TUBGCP4: variants seen among roughly 807,000 people sequenced by gnomAD.
TUBGCP4 encodes the protein gamma-tubulin complex component 4.
TUBGCP4 carries 54 observed loss-of-function variants against 91.6 expected under a neutral mutation model. That is an observed-to-expected ratio of 0.59 (90% CI 0.47 to 0.74). The LOEUF is 0.74. TUBGCP4 is among the 30% of genes least tolerant of loss of function. The probability of loss-of-function intolerance (pLI) is 0.00; values close to 1 mark genes in which losing one functional copy is unlikely to be tolerated. For synonymous variants in TUBGCP4, 297 were observed against 302.8 expected (o/e 0.98, Z 0.20); for missense variants, 593 against 800.9 (o/e 0.74, Z 3.13).
rs560853467 is a variant in TUBGCP4 at position 43,371,250 on chromosome 15, A to G, written c.-105A>G. 27 of 1,163,620 alleles carry G rather than the reference A, an allele frequency of 2.3e-5. No homozygotes were observed. The highest frequency in any genetic ancestry group is 3.0e-5 in the Non-Finnish European group (24 of 797,368). The allele number at this position is 1,163,620 out of a possible 1,614,324, so 72.1% of individuals were successfully genotyped here. A position where few individuals can be genotyped will look rare whatever the true frequency, so the allele number is the denominator to read the frequency against. ...TGATTCGGCACAAACCGCCCGACCC[A>G]GGGGCCGGTGCGCGTGTGGAAGGGG... is the stretch of plus-strand genomic sequence containing the variant. On this transcript the variant is annotated 5_prime_UTR_variant, in exon 1 of 18. Coordinates refer to ENST00000564079, the MANE Select transcript of TUBGCP4 (RefSeq NM_014444.5).
At position 43,407,444 on chromosome 15, in the gene TUBGCP4, A is replaced by G. The variant is rs778832069; in HGVS notation, c.*2230A>G. On this transcript the variant is annotated 3_prime_UTR_variant, in exon 18 of 18. Transcript: ENST00000564079. ...CTGCTTGAATCCAATTCTCTCCCCA[A>G]CAATGAGGCACTGGATCACCCACTC... 1.2e-6 allele frequency: 2 copies of G among 1,614,150 alleles called. No individual in the cohort carries two copies. The highest frequency in any genetic ancestry group is 3.3e-5 in the Admixed American group (2 of 60,024).
intron 3 of TUBGCP4, 81 bp from the exon 4 acceptor site, chr15:43,376,933 A>T: frequency 8.3e-7 from 1 of 1,211,832 alleles, no homozygotes; most frequent in Non-Finnish European, 1.2e-6. Context: ...GCCCATCATG[A>T]GATTCTCTTC....
Position 43,403,812 on chromosome 15 carries a change from G to C in TUBGCP4, c.1848+13G>C, listed in dbSNP as rs764979087. 6.3e-7 allele frequency: 1 copy of C among 1,595,440 alleles called. No homozygotes were observed. The highest frequency in any genetic ancestry group is 8.6e-7 in the Non-Finnish European group (1 of 1,163,082). ...CATTCTCGTGAAGGTGCGTCTGCCT[G>C]GAAGTATGCAGCCTTGCCGAAAGGA... On this transcript the variant is annotated intron_variant, in intron 16 of 17. Transcript: ENST00000564079.
chr15:43,373,990 TAA>T (rs1295818842), intron 1 of TUBGCP4, among the ~76,000 whole-genome samples: 1 of 152,208 alleles, frequency 6.6e-6, no homozygotes, highest in Non-Finnish European at 1.5e-5. Context: ...TGCAACCTCT[TAA>T]GTTACTAACT....
At chr15:43,380,676 A>G (rs1429657212) in intron 6 of TUBGCP4, among the ~76,000 whole-genome samples, 4 of 152,252 alleles carry the variant, frequency 2.6e-5, no homozygotes, top group African/African-American at 9.6e-5. Context: ...TACCAACAGT[A>G]GAAAAAAATT....
rs766174766 is a variant in TUBGCP4 at position 43,404,554 on chromosome 15, T to C, written c.1988+2T>C. On this transcript the variant is annotated splice_donor_variant, in intron 17 of 17. Coordinates refer to ENST00000564079, the MANE Select transcript of TUBGCP4 (RefSeq NM_014444.5). LOFTEE classifies it high-confidence loss of function. Reference sequence around the variant, plus strand: ...CCAGGCTGGTGGAACTCTGGGCAGGTAGGAGCAACCCTTGGGTAACTCAGT... The same window carrying C: ...CCAGGCTGGTGGAACTCTGGGCAGGCAGGAGCAACCCTTGGGTAACTCAGT... The C allele has an allele frequency of 8.7e-6, 14 of 1,613,962 alleles. No individual in the cohort carries two copies. Among genetic ancestry groups the C allele is most frequent in the Non-Finnish European group, 4.2e-6 (5 of 1,179,974 alleles).
chr15:43,377,122 T>A, intron 4 of TUBGCP4, 55 bp downstream of exon 4: 1 of 1,435,396 alleles, frequency 7.0e-7, no homozygotes. Context: ...GTTAGAATAA[T>A]CTAATTTATG....
At chr15:43,389,432 C>T (rs1194930106) in intron 9 of TUBGCP4, among the ~76,000 whole-genome samples, 2 of 151,858 alleles carry the variant, frequency 1.3e-5, no homozygotes, top group Admixed American at 6.6e-5. Context: ...GCTGTGTTGC[C>T]CAGGCTGGTC....
intron 15 of TUBGCP4, chr15:43,402,345 T>A (rs1034131366): frequency 6.5e-6 from 1 of 153,414 alleles, no homozygotes; most frequent in Non-Finnish European, 1.5e-5. Context: ...AAACGGGACC[T>A]AAGATGTCTT....
intron 16 of TUBGCP4, 76 bp downstream of exon 16, chr15:43,403,875 C>T (rs879187600): frequency 2.0e-6 from 2 of 1,007,072 alleles, no homozygotes; most frequent in African/African-American, 3.2e-5. Context: ...CATGATCTTT[C>T]CTCTGAGTCA....
At position 43,407,253 on chromosome 15, in the gene TUBGCP4, A is replaced by AAAG. The variant is rs2044931989; in HGVS notation, c.*2040_*2042dup. ...GAGATTCAACATTTATTTTATCATA[A>AAAG]AAGTTCAGCAAATAAAACTATATAC... On this transcript the variant is annotated 3_prime_UTR_variant, in exon 18 of 18. Coordinates refer to ENST00000564079, the MANE Select transcript of TUBGCP4 (RefSeq NM_014444.5). 1 of 745,782 alleles carries AAAG rather than the reference A, an allele frequency of 1.3e-6. No homozygotes were observed. Among genetic ancestry groups the AAAG allele is most frequent in the Non-Finnish European group, 2.2e-6 (1 of 460,978 alleles). The allele number at this position is 745,782 out of a possible 1,614,324, so 46.2% of individuals were successfully genotyped here. A position where few individuals can be genotyped will look rare whatever the true frequency, so the allele number is the denominator to read the frequency against.
chr15:43,387,411 A>T (rs1356805866), intron 9 of TUBGCP4, among the ~76,000 whole-genome samples: 4 of 152,210 alleles, frequency 2.6e-5, no homozygotes, highest in Non-Finnish European at 5.9e-5. Flanking sequence ...TGTTAACTAT[A>T]TTCCTGGCTT....
In TUBGCP4 at chr15:43,387,374, C is replaced by T. The variant is rs542736874; in HGVS notation, c.1014+1044C>T. Among the ~76,000 whole-genome samples, 11 of 152,328 alleles carry T rather than the reference C, an allele frequency of 7.2e-5. No homozygotes were observed. The South Asian group carries it at 1.9e-3, about 26-fold the overall frequency. On this transcript the variant is annotated intron_variant, in intron 9 of 17. Transcript: ENST00000564079. ...TTTGTCTCATGGATATGTGATAACA[C>T]GAAATGAGACATTTAGTCAGCTGTG...
chr15:43,379,945 C>A, intron 5 of TUBGCP4, 139 bp from the exon 6 acceptor site: 2 of 781,558 alleles, frequency 2.6e-6, no homozygotes, highest in Admixed American at 2.4e-5. Flanking sequence ...CTTTGAGAAC[C>A]ACTATGTGTA....
chr15:43,401,167 G>A (rs1242755725), intron 14 of TUBGCP4, among the ~76,000 whole-genome samples: 1 of 151,888 alleles, frequency 6.6e-6, no homozygotes. Flanking sequence ...TGGGGCAGGG[G>A]AGGCTGGGCG....
chr15:43,404,886 C>T lies in TUBGCP4; in HGVS notation c.1989-316C>T, dbSNP rs1299323556. Reference sequence around the variant, plus strand: ...CCGTGGGCACCCCGCCTTGCTGGTCCCTAGCTTCCGCATCTGTGAAAGGAG... The same window carrying T: ...CCGTGGGCACCCCGCCTTGCTGGTCTCTAGCTTCCGCATCTGTGAAAGGAG... On this transcript the variant is annotated intron_variant, in intron 17 of 17. Coordinates refer to ENST00000564079, the MANE Select transcript of TUBGCP4 (RefSeq NM_014444.5). The T allele has an allele frequency of 1.0e-5, 5 of 489,118 alleles. No individual in the cohort carries two copies. The South Asian group carries it at 1.4e-4, about 13-fold the overall frequency. The allele number at this position is 489,118 out of a possible 1,614,324, so 30.3% of individuals were successfully genotyped here.
At chr15:43,389,255 A>T (rs1434533976) in intron 9 of TUBGCP4, among the ~76,000 whole-genome samples, 1 of 152,232 alleles carries the variant, frequency 6.6e-6, no homozygotes, top group Non-Finnish European at 1.5e-5. Flanking sequence ...TACATAGAGA[A>T]ATGGTGGTAT....
Position 43,408,496 on chromosome 15 carries a change from A to G in TUBGCP4, c.*3282A>G, listed in dbSNP as rs1392074146. 3.7e-6 allele frequency: 1 copy of G among 270,838 alleles called. No homozygotes were observed. 16.8% of individuals were successfully genotyped at this position (270,838 alleles called of 1,614,324 possible). ...ACTTCATCTTAAAAAACTAAGCCCT[A>G]TATTAGGGTCCCCCTTCTCTTCCTT... On this transcript the variant is annotated 3_prime_UTR_variant, in exon 18 of 18. Transcript: ENST00000564079.
At chr15:43,400,729 A>G (rs1481813168) in intron 14 of TUBGCP4, among the ~76,000 whole-genome samples, 2 of 152,192 alleles carry the variant, frequency 1.3e-5, no homozygotes, top group Admixed American at 6.5e-5. Flanking sequence ...CAGCCTGGCC[A>G]GCATGGTGAA....
Sources: gnomAD v4.1 joint callset for allele counts (sites outside exome capture counted in the v4.1 genomes callset) on GRCh38, gnomAD v4.1.1 for gene constraint, MANE v1.5 for transcripts, NCBI Gene and HGNC (gene_info 2026-07-23, HGNC 2026-07-21) for gene names.